Variants in CREB5 observed in about 807,000 individuals in gnomAD.
The protein encoded by CREB5 is cAMP responsive element binding protein 5.
CREB5 carries 19 observed loss-of-function variants against 57.1 expected under a neutral mutation model. The observed-to-expected ratio is 0.33, with a 90% CI of 0.23 to 0.49. CREB5 has a LOEUF of 0.49. CREB5 is among the 20% of genes least tolerant of loss of function. The pLI is 0.99. For synonymous variants in CREB5, 238 were observed against 238.3 expected (o/e 1.00, Z 0.01); for missense variants, 579 against 671.6 (o/e 0.86, Z 1.52).
At chr7:28,752,825 T>C (rs1805060183) in intron 7 of CREB5, among the ~76,000 whole-genome samples, 1 of 152,138 alleles carries the variant, frequency 6.6e-6, no homozygotes, top group African/African-American at 2.4e-5. Flanking sequence ...GAATTTCTCT[T>C]ACCTGGTAGG....
chr7:28,569,632 G>A (rs1013142594), intron 4 of CREB5, among the ~76,000 whole-genome samples: 3 of 152,140 alleles, frequency 2.0e-5, no homozygotes, highest in African/African-American at 7.2e-5. Flanking sequence ...AGCACCACGG[G>A]ATAGAGTTGT....
intron 4 of CREB5, among the ~76,000 whole-genome samples, chr7:28,545,387 T>G (rs1303543569): frequency 2.0e-5 from 3 of 152,246 alleles, no homozygotes; most frequent in Non-Finnish European, 4.4e-5. Flanking sequence ...GATTGCCTAC[T>G]TATTGTGCAG....
chr7:28,478,524 G>C (rs1340763692), intron 1 of CREB5, among the ~76,000 whole-genome samples: 1 of 152,120 alleles, frequency 6.6e-6, no homozygotes, highest in African/African-American at 2.4e-5. Flanking sequence ...AGGGCTAATG[G>C]TGCCAGCAAC....
chr7:28,618,249 T>A (rs1242932310), intron 5 of CREB5, among the ~76,000 whole-genome samples: 2 of 151,786 alleles, frequency 1.3e-5, no homozygotes, highest in African/African-American at 2.4e-5. Flanking sequence ...CCATTAGAAC[T>A]TGGTGTCCCT....
intron 1 of CREB5, among the ~76,000 whole-genome samples, chr7:28,482,642 G>C (rs1427203017): frequency 1.3e-5 from 2 of 152,188 alleles, no homozygotes; most frequent in African/African-American, 4.8e-5. Flanking sequence ...TGCCAAGAAG[G>C]CTCTTCCCAC....
chr7:28,724,316 A>G lies in CREB5; in HGVS notation c.686A>G (p.His229Arg). ...PCASPQVQPM[H>R]SEAKMRLKAA... ...GCTTCTCCCCAGGTCCAGCCAATGCATTCAGAAGCCAAAATGGTAAGTAAC... is the reference window on the plus strand; with the variant it reads ...GCTTCTCCCCAGGTCCAGCCAATGCGTTCAGAAGCCAAAATGGTAAGTAAC... The change falls in exon 7 of 11, where the codon CAT (histidine) becomes CGT (arginine). Residue 229 changes from histidine (H) to arginine (R), a missense_variant. This residue lies in a region of CREB5 where 459 missense variants were observed against 515.7 expected (regional missense o/e 0.89). Transcript: ENST00000357727. The G allele has an allele frequency of 6.2e-7, 1 of 1,613,662 alleles. No individual in the cohort carries two copies. The highest frequency in any genetic ancestry group is 8.5e-7 in the Non-Finnish European group (1 of 1,179,696).
intron 1 of CREB5, among the ~76,000 whole-genome samples, chr7:28,335,590 CT>C (rs917173559): frequency 2.0e-5 from 3 of 150,062 alleles, no homozygotes; most frequent in Middle Eastern, 3.4e-3. Context: ...TAGTAGTTTT[CT>C]TTTTTTTTGG....
chr7:28,815,397 G>T (rs865896593), intron 9 of CREB5, among the ~76,000 whole-genome samples: 136 of 152,308 alleles, frequency 8.9e-4, no homozygotes, highest in African/African-American at 3.2e-3. Flanking sequence ...CAGGCCTTTG[G>T]TCTCTGTACT....
intron 5 of CREB5, among the ~76,000 whole-genome samples, chr7:28,671,337 T>G (rs1371692249): frequency 2.6e-5 from 4 of 152,250 alleles, no homozygotes; most frequent in Admixed American, 2.6e-4. Context: ...TTCAGACATT[T>G]CCTATTTAAA....
chr7:28,777,675 C>T (rs902876445), intron 7 of CREB5, among the ~76,000 whole-genome samples: 1 of 152,184 alleles, frequency 6.6e-6, no homozygotes, highest in Non-Finnish European at 1.5e-5. Context: ...TTGTGAATCA[C>T]TCTCTTTTGG....
At chr7:28,707,158 T>C (rs1014739548) in intron 5 of CREB5, among the ~76,000 whole-genome samples, 1 of 152,122 alleles carries the variant, frequency 6.6e-6, no homozygotes, top group African/African-American at 2.4e-5. Context: ...GGCTGGGTGT[T>C]TCTGGGTCTT....
chr7:28,345,918 C>A (rs750090328), intron 1 of CREB5, among the ~76,000 whole-genome samples: 3 of 152,100 alleles, frequency 2.0e-5, no homozygotes, highest in Non-Finnish European at 4.4e-5. Flanking sequence ...AAGAGACAGG[C>A]AACTTTAGTA....
At chr7:28,641,138 T>A (rs1273590162) in intron 5 of CREB5, among the ~76,000 whole-genome samples, 1 of 152,086 alleles carries the variant, frequency 6.6e-6, no homozygotes, top group Non-Finnish European at 1.5e-5. Context: ...AAATGCAGTG[T>A]TCCTGGGAGC....
At chr7:28,618,701 G>T (rs1381912212) in intron 5 of CREB5, among the ~76,000 whole-genome samples, 1 of 152,172 alleles carries the variant, frequency 6.6e-6, no homozygotes, top group Non-Finnish European at 1.5e-5. Context: ...GGAGGTGGAG[G>T]CCTACTAGGC....
At chr7:28,741,167 C>T (rs1373863586) in intron 7 of CREB5, among the ~76,000 whole-genome samples, 6 of 152,098 alleles carry the variant, frequency 3.9e-5, no homozygotes, top group Admixed American at 3.9e-4. Flanking sequence ...AAACAGGCCT[C>T]CGTGCGCACT....
chr7:28,436,334 G>A (rs1788961204), intron 1 of CREB5, among the ~76,000 whole-genome samples: 1 of 152,102 alleles, frequency 6.6e-6, no homozygotes, highest in Non-Finnish European at 1.5e-5. Flanking sequence ...CTCAGTCACA[G>A]CTACAATCTG....
At chr7:28,560,957 T>TGTGTGCGTGTGCGTGCGTGCGC (rs1562798107) in intron 4 of CREB5, among the ~76,000 whole-genome samples, 2 of 43,438 alleles carry the variant, frequency 4.6e-5, no homozygotes, top group Admixed American at 2.5e-4. Flanking sequence ...TGTGCGTGTG[T>TGTGTGCGTGTGCGTGCGTGCGC]GTGCGTGTGT....
intron 5 of CREB5, among the ~76,000 whole-genome samples, chr7:28,638,982 T>C (rs1317550356): frequency 6.6e-6 from 1 of 152,238 alleles, no homozygotes; most frequent in Non-Finnish European, 1.5e-5. Flanking sequence ...GATCTGCTTA[T>C]TTTAAATATT....
chr7:28,513,573 T>C (rs1792809785), intron 4 of CREB5: 1 of 152,230 alleles, frequency 6.6e-6, no homozygotes, highest in African/African-American at 2.4e-5. Context: ...GGATTCTTTT[T>C]GTCCTCCCAT....
Sources: allele counts gnomAD v4.1 joint callset (sites outside exome capture counted in the v4.1 genomes callset), GRCh38; gene constraint gnomAD v4.1.1; regional missense constraint gnomAD v4.1.1; transcripts MANE v1.5; gene names NCBI Gene and HGNC (gene_info 2026-07-23, HGNC 2026-07-21).